The following PARN variants were observed in gnomAD, a reference collection of about 807,000 sequenced individuals.
PARN encodes poly(A)-specific ribonuclease PARN.
In PARN, 71 loss-of-function variants were observed where a neutral mutation model predicts 102.8. The observed-to-expected ratio is 0.69, with a 90% confidence interval of 0.57 to 0.84. PARN has a LOEUF of 0.84. Among genes scored for constraint, PARN ranks in the 40% least tolerant of loss-of-function variants. PARN has a pLI of 0.00. For missense variants in PARN, 782 were observed against 760.9 expected, an observed-to-expected ratio of 1.03 and a Z score of -0.33; for synonymous variants, 261 against 252.9, an observed-to-expected ratio of 1.03 and a Z score of -0.30.
chr16:14,484,183 C>A (rs1009105804), intron 21 of PARN, among the ~76,000 whole-genome samples: 2 of 152,242 alleles, frequency 1.3e-5, no homozygotes, highest in African/African-American at 4.8e-5. Context: ...TACTTGAACA[C>A]TGGGGCTTAA....
chr16:14,585,710 T>G (rs1489594462), intron 14 of PARN, among the ~76,000 whole-genome samples: 1 of 152,156 alleles, frequency 6.6e-6, no homozygotes, highest in Non-Finnish European at 1.5e-5. Context: ...ACAAGGTACA[T>G]CCTACATGCA....
chr16:14,603,234 T>G (rs1159450306), intron 11 of PARN, among the ~76,000 whole-genome samples: 1 of 152,150 alleles, frequency 6.6e-6, no homozygotes, highest in African/African-American at 2.4e-5. Flanking sequence ...GGCCTCTAAC[T>G]GGCACCTTTT....
intron 21 of PARN, among the ~76,000 whole-genome samples, chr16:14,542,288 G>A (rs1429831519): frequency 6.6e-6 from 1 of 151,120 alleles, no homozygotes; most frequent in Non-Finnish European, 1.5e-5. Context: ...TTACAGTCAT[G>A]AGCCAACACA....
intron 18 of PARN, among the ~76,000 whole-genome samples, chr16:14,563,375 G>A (rs1319748292): frequency 6.6e-6 from 1 of 152,138 alleles, no homozygotes; most frequent in Non-Finnish European, 1.5e-5. Context: ...CTCCAGCCAC[G>A]AAGGAAGGTT....
At chr16:14,442,584 T>TTCCC (rs1267164959) in intron 23 of PARN, among the ~76,000 whole-genome samples, 11 of 152,194 alleles carry the variant, frequency 7.2e-5, no homozygotes, top group African/African-American at 2.2e-4. Flanking sequence ...TTACTTGGCT[T>TTCCC]TCCCTCCCTC....
At chr16:14,445,214 G>A (rs1409288568) in intron 23 of PARN, among the ~76,000 whole-genome samples, 1 of 151,870 alleles carries the variant, frequency 6.6e-6, no homozygotes, top group Non-Finnish European at 1.5e-5. Flanking sequence ...ATCCAATCCA[G>A]GCTTCAAACA....
intron 5 of PARN, among the ~76,000 whole-genome samples, chr16:14,620,699 T>G (rs1320765752): frequency 6.6e-6 from 1 of 152,188 alleles, no homozygotes; most frequent in Admixed American, 6.5e-5. Context: ...AGTAATCATT[T>G]ACTTATAATT....
intron 10 of PARN, among the ~76,000 whole-genome samples, chr16:14,605,654 CTTTA>C (rs1220572010): frequency 2.0e-5 from 3 of 152,064 alleles, no homozygotes; most frequent in Non-Finnish European, 4.4e-5. Context: ...TATTTTTCTA[CTTTA>C]TTTAATCTCT....
Position 14,495,278 on chromosome 16 carries a change from C to T in PARN, c.1481-12451G>A, listed in dbSNP as rs146137596. Among the ~76,000 whole-genome samples, 60 of 152,000 alleles carry T rather than the reference C, an allele frequency of 3.9e-4. No homozygotes were observed. In the East Asian group the frequency reaches 8.9e-3, roughly 23 times the overall value. On this transcript the variant is annotated intron_variant, in intron 21 of 23. Coordinates refer to ENST00000437198, the MANE Select transcript of PARN (RefSeq NM_002582.4). Reference sequence around the variant, plus strand: ...AAGGCGAGAGGATCACTCGAGTTCACGGGTTTGAGGCCAGCCTAGGCAACA... The same window carrying T: ...AAGGCGAGAGGATCACTCGAGTTCATGGGTTTGAGGCCAGCCTAGGCAACA...
At chr16:14,539,793 C>A (rs976123831) in intron 21 of PARN, among the ~76,000 whole-genome samples, 2 of 152,176 alleles carry the variant, frequency 1.3e-5, no homozygotes, top group African/African-American at 4.8e-5. Flanking sequence ...TGTCAGCCCT[C>A]CATATCTGTG....
chr16:14,483,096 G>T (rs984051308), intron 21 of PARN, among the ~76,000 whole-genome samples: 2 of 152,154 alleles, frequency 1.3e-5, no homozygotes, highest in Admixed American at 1.3e-4. Context: ...AACCGGTAAT[G>T]ATATAAGTAA....
At chr16:14,580,801 A>C in intron 18 of PARN, 73 bp downstream of exon 18, 1 of 847,858 alleles carries the variant, frequency 1.2e-6, no homozygotes, top group Non-Finnish European at 2.0e-6. Context: ...CAATAACTCC[A>C]AACTGACATC....
chr16:14,622,969 T>C (rs566875998), intron 5 of PARN, among the ~76,000 whole-genome samples: 4 of 151,896 alleles, frequency 2.6e-5, no homozygotes, highest in South Asian at 4.2e-4. Context: ...CTGGGCATGG[T>C]GGCATGTGCC....
At chr16:14,625,374 G>A (rs1041927837) in intron 5 of PARN, among the ~76,000 whole-genome samples, 5 of 152,124 alleles carry the variant, frequency 3.3e-5, no homozygotes, top group Admixed American at 6.6e-5. Context: ...GTGCATGCCT[G>A]TAATCCCAGC....
At chr16:14,597,961 T>C (rs558917537) in intron 12 of PARN, among the ~76,000 whole-genome samples, 3 of 151,870 alleles carry the variant, frequency 2.0e-5, no homozygotes, top group Non-Finnish European at 2.9e-5. Flanking sequence ...CTGGCCAACA[T>C]GGTGAAAGCC....
intron 21 of PARN, among the ~76,000 whole-genome samples, chr16:14,533,910 C>T (rs1031091376): frequency 6.6e-6 from 1 of 152,182 alleles, no homozygotes; most frequent in Non-Finnish European, 1.5e-5. Context: ...TTCAGTCCCT[C>T]AGTCCTTCAA....
chr16:14,525,231 T>C (rs1293299759), intron 21 of PARN, among the ~76,000 whole-genome samples: 1 of 152,208 alleles, frequency 6.6e-6, no homozygotes. Context: ...ATAAAGGCTG[T>C]TCCCCAAGAA....
intron 21 of PARN, among the ~76,000 whole-genome samples, chr16:14,522,384 G>C (rs1360607803): frequency 6.6e-6 from 1 of 152,136 alleles, no homozygotes; most frequent in African/African-American, 2.4e-5. Context: ...TCAGAAATAA[G>C]AGAGAAAAGA....
chr16:14,473,826 A>C (rs1324316463), intron 22 of PARN, among the ~76,000 whole-genome samples: 1 of 152,226 alleles, frequency 6.6e-6, no homozygotes, highest in Non-Finnish European at 1.5e-5. Flanking sequence ...TGAATGTCTA[A>C]GCACAGGGCC....
Sources: allele counts gnomAD v4.1 joint callset (sites outside exome capture counted in the v4.1 genomes callset), GRCh38; gene constraint gnomAD v4.1.1; transcripts MANE v1.5; gene names NCBI Gene and HGNC (gene_info 2026-07-23, HGNC 2026-07-21).